CNTN4: variants seen among roughly 807,000 people sequenced by gnomAD.
The protein encoded by CNTN4 is contactin-4.
A neutral mutation model predicts 122.5 loss-of-function variants in CNTN4; 77 were observed. The ratio of observed to expected loss-of-function variants is 0.63; its 90% CI spans 0.52 to 0.76. The LOEUF is 0.76. CNTN4 is among the 30% of genes least tolerant of loss of function. The pLI, the probability that CNTN4 is intolerant of heterozygous loss-of-function variation, is 0.00. For missense variants in CNTN4, 1,256 were observed against 1,259.1 expected (o/e 1.00, Z 0.04); for synonymous variants, 512 against 447.0 (o/e 1.15, Z -1.83).
chr3:2,464,638 A>G (rs2075433091), intron 3 of CNTN4, among the ~76,000 whole-genome samples: 1 of 152,188 alleles, frequency 6.6e-6, no homozygotes, highest in Non-Finnish European at 1.5e-5. Flanking sequence ...GGGATTTTAC[A>G]TTCTTCCCAA....
intron 6 of CNTN4, among the ~76,000 whole-genome samples, chr3:2,749,469 C>G (rs1266775348): frequency 6.6e-6 from 1 of 152,008 alleles, no homozygotes; most frequent in Non-Finnish European, 1.5e-5. Context: ...GCTCATTTAC[C>G]AGAATTTAAT....
intron 3 of CNTN4, among the ~76,000 whole-genome samples, chr3:2,381,252 C>T (rs191644293): frequency 2.6e-5 from 4 of 152,196 alleles, no homozygotes; most frequent in South Asian, 2.1e-4. Flanking sequence ...GTGATCCACC[C>T]GCCTCGGCCT....
intron 3 of CNTN4, among the ~76,000 whole-genome samples, chr3:2,364,792 T>C (rs1325509655): frequency 2.0e-5 from 3 of 152,260 alleles, no homozygotes; most frequent in Middle Eastern, 3.4e-3. Context: ...AAACATTCTA[T>C]TGTTAAAAAG....
intron 3 of CNTN4, among the ~76,000 whole-genome samples, chr3:2,544,119 G>A (rs1426174810): frequency 6.6e-6 from 1 of 152,112 alleles, no homozygotes; most frequent in African/African-American, 2.4e-5. Context: ...GATACTACCT[G>A]TAATCCTAAC....
chr3:2,660,308 G>A (rs552791809), intron 4 of CNTN4, among the ~76,000 whole-genome samples: 4 of 152,234 alleles, frequency 2.6e-5, no homozygotes, highest in Admixed American at 1.3e-4. Context: ...TAAGAAAGAC[G>A]TCCTAATATT....
At chr3:2,402,852 C>T (rs1473958703) in intron 3 of CNTN4, among the ~76,000 whole-genome samples, 3 of 152,120 alleles carry the variant, frequency 2.0e-5, no homozygotes, top group African/African-American at 7.2e-5. Context: ...GCAGGTTATA[C>T]CTTACGCAGT....
At chr3:2,503,036 T>A (rs2076637706) in intron 3 of CNTN4, among the ~76,000 whole-genome samples, 1 of 152,142 alleles carries the variant, frequency 6.6e-6, no homozygotes, top group Admixed American at 6.6e-5. Flanking sequence ...GTGATAGGTA[T>A]ACAAAACTGA....
intron 4 of CNTN4, among the ~76,000 whole-genome samples, chr3:2,575,595 T>C: frequency 6.6e-6 from 1 of 152,176 alleles, no homozygotes; most frequent in Non-Finnish European, 1.5e-5. Flanking sequence ...TCAAGAATGC[T>C]CTTGCCTTAA....
At chr3:2,928,925 T>A (rs1360819718) in intron 13 of CNTN4, among the ~76,000 whole-genome samples, 1 of 152,242 alleles carries the variant, frequency 6.6e-6, no homozygotes, top group East Asian at 1.9e-4. Context: ...TGGTTTAACA[T>A]TAACATGTTC....
chr3:3,037,115 C>A, intron 17 of CNTN4, 64 bp from the exon 18 acceptor site: 1 of 1,559,300 alleles, frequency 6.4e-7, no homozygotes, highest in South Asian at 1.1e-5. Context: ...ATCTTCCTAA[C>A]GTAATCTCTG....
At chr3:2,713,632 G>A (rs2087290648) in intron 4 of CNTN4, among the ~76,000 whole-genome samples, 1 of 152,118 alleles carries the variant, frequency 6.6e-6, no homozygotes, top group Admixed American at 6.6e-5. Context: ...AGAACCACAG[G>A]AGGAGATTAG....
At chr3:2,439,744 A>G (rs1017129016) in intron 3 of CNTN4, among the ~76,000 whole-genome samples, 1 of 152,112 alleles carries the variant, frequency 6.6e-6, no homozygotes, top group Non-Finnish European at 1.5e-5. Flanking sequence ...TATGGAGAAG[A>G]GAAGAGCAAT....
chr3:2,450,993 T>C (rs919040597), intron 3 of CNTN4, among the ~76,000 whole-genome samples: 1 of 151,988 alleles, frequency 6.6e-6, no homozygotes, highest in Non-Finnish European at 1.5e-5. Flanking sequence ...TGAGGAAGGG[T>C]GAAGGGGGGC....
chr3:2,697,625 A>G (rs773082046), intron 4 of CNTN4, among the ~76,000 whole-genome samples: 2 of 152,166 alleles, frequency 1.3e-5, no homozygotes, highest in Non-Finnish European at 1.5e-5. Flanking sequence ...CAGACAATAT[A>G]TATTTTTTCT....
At chr3:2,301,365 A>T (rs895787859) in intron 2 of CNTN4, among the ~76,000 whole-genome samples, 2 of 152,194 alleles carry the variant, frequency 1.3e-5, no homozygotes, top group Admixed American at 6.5e-5. Context: ...TCTGGTTGAC[A>T]TTTAGGTATT....
At chr3:2,786,417 A>G (rs1203982792) in intron 6 of CNTN4, among the ~76,000 whole-genome samples, 1 of 152,214 alleles carries the variant, frequency 6.6e-6, no homozygotes, top group African/African-American at 2.4e-5. Context: ...GTTGCCCAGA[A>G]GTGCTTGTCC....
intron 4 of CNTN4, chr3:2,629,640 T>C (rs560824477): frequency 2.2e-4 from 92 of 423,342 alleles, no homozygotes; most frequent in Admixed American, 7.3e-4. Context: ...TTCTTAGTTT[T>C]CCACAGTTCA....
At chr3:2,471,755 G>A (rs1165356580) in intron 3 of CNTN4, among the ~76,000 whole-genome samples, 1 of 152,158 alleles carries the variant, frequency 6.6e-6, no homozygotes, top group Non-Finnish European at 1.5e-5. Context: ...TAAGCATCAG[G>A]TTATGGTGTC....
At chr3:3,029,683 TG>T (rs1466794254) in intron 15 of CNTN4, among the ~76,000 whole-genome samples, 2 of 152,318 alleles carry the variant, frequency 1.3e-5, no homozygotes, top group East Asian at 3.9e-4. Context: ...AGGGACTATA[TG>T]GGTTCAAATC....
Sources: allele counts gnomAD v4.1 joint callset (sites outside exome capture counted in the v4.1 genomes callset), GRCh38; gene constraint gnomAD v4.1.1; transcripts MANE v1.5; gene names NCBI Gene and HGNC (gene_info 2026-07-23, HGNC 2026-07-21).